Variants in PALLD observed in about 807,000 individuals in gnomAD.
PALLD encodes palladin.
Under a neutral mutation model 123.5 loss-of-function variants are expected in PALLD, and 61 were observed. That is an observed-to-expected ratio of 0.49 (90% CI 0.40 to 0.61). The LOEUF (loss-of-function observed/expected upper bound fraction) is 0.61, where lower values mean the gene tolerates loss of function less well. Ranked by LOEUF, PALLD falls within the 20% of genes least tolerant of loss-of-function variation. The pLI is 0.00. For missense variants in PALLD, 1,273 were observed against 1,377.0 expected (o/e 0.92, Z 1.20); for synonymous variants, 465 against 496.4 (o/e 0.94, Z 0.84).
At chr4:168,737,756 A>G (rs1050172467) in intron 10 of PALLD, among the ~76,000 whole-genome samples, 1 of 152,208 alleles carries the variant, frequency 6.6e-6, no homozygotes, top group African/African-American at 2.4e-5. Flanking sequence ...GAACAGATCA[A>G]GGTCAAGTAA....
Position 168,921,593 on chromosome 4 carries a change from T to C in PALLD, c.2910T>C (p.Pro970=). 6.2e-7 allele frequency: 1 copy of C among 1,610,262 alleles called. No homozygotes were observed. Among genetic ancestry groups the C allele is most frequent in the Non-Finnish European group, 8.5e-7 (1 of 1,179,378 alleles). ...AACTAGATGGAAAGCCCGTACGCCCTGACAGTGCTCACAAGATGCTGGTGC... is the reference window on the plus strand; with the variant it reads ...AACTAGATGGAAAGCCCGTACGCCCCGACAGTGCTCACAAGATGCTGGTGC... ...SWQLDGKPVR[P]DSAHKMLVRE... The change falls in exon 18 of 22, where the codon CCT becomes CCC. Residue 970 remains proline (P), a synonymous_variant. Transcript: ENST00000505667.
In PALLD at chr4:168,739,679, T is replaced by A. The variant is rs143726229; in HGVS notation, c.1964+27756T>A. Among the ~76,000 whole-genome samples, 7 of 152,304 alleles carry A rather than the reference T, an allele frequency of 4.6e-5. No homozygotes were observed. The East Asian group carries it at 1.4e-3, about 29-fold the overall frequency. On this transcript the variant is annotated intron_variant, in intron 10 of 21. Coordinates refer to ENST00000505667, the MANE Select transcript of PALLD (RefSeq NM_001166108.2). Reference sequence around the variant, plus strand: ...GTGACAAAATATCACATATCCCCCATTAATATGTACAAACACTTGCATCAA... The same window carrying A: ...GTGACAAAATATCACATATCCCCCAATAATATGTACAAACACTTGCATCAA...
At chr4:168,651,896 T>C (rs142239774) in intron 2 of PALLD, among the ~76,000 whole-genome samples, 2 of 152,330 alleles carry the variant, frequency 1.3e-5, no homozygotes, top group East Asian at 3.9e-4. Flanking sequence ...TAGCTAAAAA[T>C]AGTGATTCTG....
At chr4:168,905,138 GTTTTT>G (rs777740588) in intron 15 of PALLD, among the ~76,000 whole-genome samples, 2 of 34,524 alleles carry the variant, frequency 5.8e-5, no homozygotes, top group Non-Finnish European at 1.4e-4. Context: ...TGTTTTGTTG[GTTTTT>G]TTTTTTTTTT....
intron 2 of PALLD, chr4:168,648,084 C>T (rs369945209): frequency 1.3e-5 from 2 of 152,096 alleles, no homozygotes; most frequent in African/African-American, 2.4e-5. Flanking sequence ...TGAACTCCCC[C>T]CTGACTCCTG....
intron 2 of PALLD, among the ~76,000 whole-genome samples, chr4:168,556,224 T>C (rs1484348837): frequency 5.3e-5 from 8 of 151,662 alleles, no homozygotes; most frequent in African/African-American, 1.9e-4. Flanking sequence ...GCCTCCAGAG[T>C]AGCTGGGACT....
intron 10 of PALLD, among the ~76,000 whole-genome samples, chr4:168,870,643 T>C (rs1450138695): frequency 1.3e-5 from 2 of 152,228 alleles, no homozygotes; most frequent in Admixed American, 1.3e-4. Flanking sequence ...TCAGGTTCTT[T>C]ATAATATTTA....
At chr4:168,899,549 A>G (rs1035961268) in intron 14 of PALLD, among the ~76,000 whole-genome samples, 4 of 152,214 alleles carry the variant, frequency 2.6e-5, no homozygotes, top group African/African-American at 7.2e-5. Context: ...ATGTGAAGAA[A>G]TAACCATGAG....
intron 2 of PALLD, among the ~76,000 whole-genome samples, chr4:168,622,503 T>C (rs554392356): frequency 6.6e-6 from 1 of 152,304 alleles, no homozygotes; most frequent in South Asian, 2.1e-4. Flanking sequence ...ATGTGAAAGA[T>C]TTCCATGTAT....
At chr4:168,826,530 A>G (rs1366397922) in intron 10 of PALLD, among the ~76,000 whole-genome samples, 3 of 152,188 alleles carry the variant, frequency 2.0e-5, no homozygotes, top group Admixed American at 1.3e-4. Flanking sequence ...ATACTTCTTC[A>G]TGGTTTCTAT....
Position 168,783,044 on chromosome 4 carries a change from ATATG to A in PALLD, c.1964+71123_1964+71126del, listed in dbSNP as rs756157709. On this transcript the variant is annotated intron_variant, in intron 10 of 21. Transcript: ENST00000505667. ...ATTTCTACTCACAAATTTTATATAT[ATATG>A]TGTGTGTGTGTGTGTGTGTGTGTGT... is the stretch of plus-strand genomic sequence containing the variant. 6.1e-3 allele frequency among the ~76,000 whole-genome samples: 505 copies of A among 82,266 alleles called. 1 individual carries two copies. Among genetic ancestry groups the A allele is most frequent in the East Asian group, 0.011 (47 of 4,090 alleles). 54.0% of individuals were successfully genotyped at this position (82,266 alleles called of 152,430 possible).
At chr4:168,756,422 C>T (rs1455359129) in intron 10 of PALLD, 1 of 171,336 alleles carries the variant, frequency 5.8e-6, no homozygotes, top group Non-Finnish European at 1.3e-5. Flanking sequence ...AACAAGATGT[C>T]AGATAATTCC....
At chr4:168,656,017 G>A (rs1177861514) in intron 2 of PALLD, among the ~76,000 whole-genome samples, 4 of 152,100 alleles carry the variant, frequency 2.6e-5, no homozygotes, top group Admixed American at 2.0e-4. Flanking sequence ...AATTCTGAGG[G>A]GATCATTGTA....
chr4:168,857,016 A>G (rs1236258103), intron 10 of PALLD, among the ~76,000 whole-genome samples: 1 of 152,254 alleles, frequency 6.6e-6, no homozygotes, highest in African/African-American at 2.4e-5. Context: ...TTGAAAACAT[A>G]AATGTTAGAA....
intron 10 of PALLD, among the ~76,000 whole-genome samples, chr4:168,794,538 A>ACACACACACC (rs765026221): frequency 1.4e-5 from 2 of 146,292 alleles, no homozygotes; most frequent in African/African-American, 5.1e-5. Flanking sequence ...ACACACACAC[A>ACACACACACC]CCCCTCTGGC....
chr4:168,713,836 T>G (rs1378606921), intron 10 of PALLD, among the ~76,000 whole-genome samples: 1 of 148,772 alleles, frequency 6.7e-6, no homozygotes, highest in Non-Finnish European at 1.5e-5. Flanking sequence ...CCCAAATAAA[T>G]AGGTTACTCT....
intron 18 of PALLD, among the ~76,000 whole-genome samples, chr4:168,922,704 C>T (rs1582225488): frequency 6.6e-6 from 1 of 152,280 alleles, no homozygotes; most frequent in South Asian, 2.1e-4. Context: ...TACAGGTTAG[C>T]CATGCTTTCA....
At chr4:168,855,945 C>T (rs1748543909) in intron 10 of PALLD, among the ~76,000 whole-genome samples, 1 of 152,220 alleles carries the variant, frequency 6.6e-6, no homozygotes, top group Non-Finnish European at 1.5e-5. Flanking sequence ...CATTGATCCT[C>T]TCACCCAGGT....
Position 168,927,352 on chromosome 4 carries a change from ACAAGT to A in PALLD, c.*1177_*1181del, listed in dbSNP as rs1268721099. ...ATAGGTGAAAAAAACACTGCCATTCACAAGTCAAGGAACCCAGGGCCAGCTGGAAG... is the reference window on the plus strand; with the variant it reads ...ATAGGTGAAAAAAACACTGCCATTCACAAGGAACCCAGGGCCAGCTGGAAG... On this transcript the variant is annotated 3_prime_UTR_variant, in exon 22 of 22. Transcript: ENST00000505667. The A allele has an allele frequency of 5.2e-5, 12 of 232,616 alleles. No homozygotes were observed. The Admixed American group carries it at 6.8e-4, about 13-fold the overall frequency. 14.4% of individuals were successfully genotyped at this position (232,616 alleles called of 1,614,324 possible). A position where few individuals can be genotyped will look rare whatever the true frequency, so the allele number is the denominator to read the frequency against.
Sources: gnomAD v4.1 joint callset for allele counts (sites outside exome capture counted in the v4.1 genomes callset) on GRCh38, gnomAD v4.1.1 for gene constraint, MANE v1.5 for transcripts, NCBI Gene and HGNC (gene_info 2026-07-23, HGNC 2026-07-21) for gene names.